CRCP: variants seen among roughly 807,000 people sequenced by gnomAD.
CRCP encodes the protein CGRP receptor component, also known as DNA-directed RNA polymerase III subunit RPC9.
In CRCP, 18 loss-of-function variants were observed where a neutral mutation model predicts 18.5. That is an observed-to-expected ratio of 0.97 (90% CI 0.67 to 1.44). The LOEUF is 1.44. Ranked by LOEUF, CRCP falls within the 40% of genes most tolerant of loss-of-function variation. CRCP has a pLI of 0.00. For missense variants in CRCP, 130 were observed against 176.4 expected (o/e 0.74, Z 1.49); for synonymous variants, 53 against 62.9 (o/e 0.84, Z 0.75).
At chr7:66,134,973 A>C (rs1287497176) in intron 4 of CRCP, among the ~76,000 whole-genome samples, 4 of 152,208 alleles carry the variant, frequency 2.6e-5, no homozygotes, top group Non-Finnish European at 5.9e-5. Context: ...TCATGGAAAC[A>C]ATATGTGTAG....
chr7:66,144,948 A>G (rs953452797), intron 4 of CRCP, among the ~76,000 whole-genome samples: 1 of 152,130 alleles, frequency 6.6e-6, no homozygotes, highest in Non-Finnish European at 1.5e-5. Flanking sequence ...CGAGGGTTTG[A>G]GACCAGCCAG....
Position 66,128,655 on chromosome 7 carries a change from A to G in CRCP, c.45+915A>G, listed in dbSNP as rs1787691466. On this transcript the variant is annotated intron_variant, in intron 2 of 5. Transcript: ENST00000395326. ...AAAAATAAAAAAAGAGAGTGAGTTT[A>G]GTTGACTCACCTTTCTGAATAGTAG... 2.6e-5 allele frequency: 4 copies of G among 152,270 alleles called. No individual in the cohort carries two copies. The South Asian group carries it at 8.3e-4, about 32-fold the overall frequency. The allele number at this position is 152,270 out of a possible 1,614,324, so 9.4% of individuals were successfully genotyped here. A position where few individuals can be genotyped will look rare whatever the true frequency, so the allele number is the denominator to read the frequency against.
At chr7:66,115,986 A>G (rs147349298) in intron 1 of CRCP, among the ~76,000 whole-genome samples, 271 of 152,150 alleles carry the variant, frequency 1.8e-3, no homozygotes, top group African/African-American at 6.3e-3. Flanking sequence ...AGTTTTGTAG[A>G]TGCAGGGTCT....
At chr7:66,138,028 G>A (rs994357404) in intron 4 of CRCP, among the ~76,000 whole-genome samples, 9 of 152,092 alleles carry the variant, frequency 5.9e-5, no homozygotes, top group Non-Finnish European at 1.2e-4. Context: ...AGTGCCCTGC[G>A]TCCTTTTTAT....
At chr7:66,134,246 G>A (rs1787901057) in intron 3 of CRCP, 34 bp from the exon 4 acceptor site, 1 of 1,432,950 alleles carries the variant, frequency 7.0e-7, no homozygotes, top group Non-Finnish European at 9.5e-7. Context: ...TTTGTCTTAT[G>A]CTTGGCTTTT....
At chr7:66,125,647 G>T (rs1787597964) in intron 1 of CRCP, among the ~76,000 whole-genome samples, 1 of 149,042 alleles carries the variant, frequency 6.7e-6, no homozygotes, top group South Asian at 2.2e-4. Flanking sequence ...GTGTTCTTTG[G>T]ATTCTTGCAT....
At chr7:66,132,787 G>A (rs1407607300) in intron 3 of CRCP, among the ~76,000 whole-genome samples, 2 of 151,906 alleles carry the variant, frequency 1.3e-5, no homozygotes, top group African/African-American at 4.8e-5. Flanking sequence ...GCGGGCGCCT[G>A]TAGTCCCAGC....
intron 4 of CRCP, among the ~76,000 whole-genome samples, chr7:66,144,285 C>T (rs534409835): frequency 9.9e-5 from 15 of 152,176 alleles, no homozygotes; most frequent in Admixed American, 3.3e-4. Flanking sequence ...TGAAAATTTA[C>T]ATGTATTTGT....
At chr7:66,138,780 G>T (rs946026650) in intron 4 of CRCP, among the ~76,000 whole-genome samples, 1 of 137,602 alleles carries the variant, frequency 7.3e-6, no homozygotes, top group Admixed American at 7.5e-5. Context: ...GGGACAGAGC[G>T]AGACTCCGTC....
intron 4 of CRCP, 109 bp downstream of exon 4, chr7:66,134,483 A>T (rs1435811857): frequency 3.9e-6 from 3 of 767,330 alleles, no homozygotes; most frequent in Non-Finnish European, 6.6e-6. Context: ...TTAAAGAAGG[A>T]TTATAGTATT....
intron 1 of CRCP, among the ~76,000 whole-genome samples, chr7:66,116,295 G>A (rs1050409729): frequency 2.0e-5 from 3 of 151,736 alleles, no homozygotes; most frequent in African/African-American, 7.3e-5. Context: ...GGGAGGTGGA[G>A]ACCAGCCTGG....
At chr7:66,149,895 C>G (rs1427652209) in intron 5 of CRCP, among the ~76,000 whole-genome samples, 3 of 152,106 alleles carry the variant, frequency 2.0e-5, no homozygotes, top group Non-Finnish European at 2.9e-5. Flanking sequence ...CAACCTCTGC[C>G]TCCTGGGTTC....
chr7:66,116,153 A>C (rs907830666), intron 1 of CRCP, among the ~76,000 whole-genome samples: 7 of 152,164 alleles, frequency 4.6e-5, no homozygotes, highest in Non-Finnish European at 2.9e-5. Flanking sequence ...TGAAAGGCTC[A>C]TGAAACAATA....
chr7:66,140,981 C>G (rs1202463164), intron 4 of CRCP, among the ~76,000 whole-genome samples: 1 of 152,136 alleles, frequency 6.6e-6, no homozygotes, highest in Admixed American at 6.5e-5. Flanking sequence ...GATCTTAGCT[C>G]CCTTTTTTCC....
intron 3 of CRCP, among the ~76,000 whole-genome samples, chr7:66,133,237 G>A (rs1239689235): frequency 2.6e-5 from 4 of 152,086 alleles, no homozygotes; most frequent in South Asian, 4.1e-4. Context: ...CGGGTGCGGT[G>A]TCTCATGCCT....
chr7:66,152,151 C>G, intron 5 of CRCP, 57 bp from the exon 6 acceptor site: 4 of 1,600,866 alleles, frequency 2.5e-6, no homozygotes, highest in Non-Finnish European at 3.4e-6. Context: ...GTGGGCAGGG[C>G]TGCCCAAGGC....
chr7:66,129,241 G>A (rs1428725272), intron 2 of CRCP, among the ~76,000 whole-genome samples: 3 of 152,198 alleles, frequency 2.0e-5, no homozygotes, highest in Non-Finnish European at 4.4e-5. Flanking sequence ...GCTCAGGCAG[G>A]AGAATGGCGT....
At chr7:66,117,291 C>A (rs1268343796) in intron 1 of CRCP, among the ~76,000 whole-genome samples, 1 of 152,082 alleles carries the variant, frequency 6.6e-6, no homozygotes, top group Non-Finnish European at 1.5e-5. Flanking sequence ...AGGACTACTT[C>A]AGTGTCCTTC....
intron 5 of CRCP, among the ~76,000 whole-genome samples, chr7:66,151,717 G>GTGTGTGTGTGTGT (rs1584105236): frequency 8.7e-6 from 1 of 114,936 alleles, no homozygotes. Context: ...GTGTGTGTGT[G>GTGTGTGTGTGTGT]GTTATATAAC....
Sources: gnomAD v4.1 joint callset for allele counts (sites outside exome capture counted in the v4.1 genomes callset) on GRCh38, gnomAD v4.1.1 for gene constraint, MANE v1.5 for transcripts, NCBI Gene and HGNC (gene_info 2026-07-23, HGNC 2026-07-21) for gene names.